INTS6: variants seen among roughly 807,000 people sequenced by gnomAD.
The protein encoded by INTS6 is DEAD box protein.
A neutral mutation model predicts 104.9 loss-of-function variants in INTS6; 16 were observed. The ratio of observed to expected loss-of-function variants is 0.15; its 90% confidence interval spans 0.10 to 0.23. INTS6 has a LOEUF of 0.23. Ranked by LOEUF, INTS6 falls within the 10% of genes least tolerant of loss-of-function variation. The pLI is 1.00. For synonymous variants in INTS6, 324 were observed against 358.7 expected, an observed-to-expected ratio of 0.90 and a Z score of 1.09; for missense variants, 584 against 1,062.8, an observed-to-expected ratio of 0.55 and a Z score of 6.26.
At chr13:51,384,823 T>G (rs1278541741) in intron 7 of INTS6, 8 of 386,844 alleles carry the variant, frequency 2.1e-5, no homozygotes, top group African/African-American at 1.5e-4. Context: ...TCTAGAAATG[T>G]TATCTTCTAT....
At chr13:51,420,756 TA>T (rs75997381) in intron 4 of INTS6, among the ~76,000 whole-genome samples, 10,174 of 125,810 alleles carry the variant, frequency 0.081, 406 homozygotes, top group African/African-American at 0.14. Flanking sequence ...CTAGCTAAAT[TA>T]AAAAAAAAAA....
At chr13:51,350,192 T>C (rs558181867), downstream of INTS6, among the ~76,000 whole-genome samples, 6 of 152,280 alleles carry the variant, frequency 3.9e-5, no homozygotes, top group African/African-American at 1.4e-4. Context: ...CTATGAGATG[T>C]GCTTTCAGGT....
chr13:51,430,179 C>T (rs1240431376), intron 4 of INTS6, 115 bp downstream of exon 4: 6 of 828,954 alleles, frequency 7.2e-6, no homozygotes, highest in African/African-American at 1.7e-5. Flanking sequence ...ACAGATGACT[C>T]TAAATTGCAT....
At position 51,362,935 on chromosome 13, in the gene INTS6, C is replaced by T. The variant is rs1955610501; in HGVS notation, c.*2817G>A. 1 of 152,118 alleles carries T rather than the reference C, an allele frequency of 6.6e-6. No homozygotes were observed. The highest frequency in any genetic ancestry group is 2.4e-5 in the African/African-American group (1 of 41,398). The allele number at this position is 152,118 out of a possible 1,614,324, so 9.4% of individuals were successfully genotyped here. On this transcript the variant is annotated 3_prime_UTR_variant, in exon 18 of 18. Coordinates refer to ENST00000311234, the MANE Select transcript of INTS6 (RefSeq NM_012141.3). Reference sequence around the variant, plus strand: ...CAGAGTATGTCTTCCTAGTATTTCACCATGATCATCCCAACCACATAACGA... The same window carrying T: ...CAGAGTATGTCTTCCTAGTATTTCATCATGATCATCCCAACCACATAACGA...
At chr13:51,411,761 A>C (rs1956691918) in intron 4 of INTS6, among the ~76,000 whole-genome samples, 2 of 152,208 alleles carry the variant, frequency 1.3e-5, no homozygotes, top group African/African-American at 4.8e-5. Context: ...ACAATTTTGC[A>C]GTTTCTTATA....
At position 51,362,275 on chromosome 13, in the gene INTS6, T is replaced by TAGAGTACACC. The variant is rs1268854980; in HGVS notation, c.*3467_*3476dup. 3.2e-5 allele frequency: 11 copies of TAGAGTACACC among 339,538 alleles called. No homozygotes were observed. In the East Asian group the frequency reaches 8.1e-4, roughly 25 times the overall value. The allele number at this position is 339,538 out of a possible 1,614,324, so 21.0% of individuals were successfully genotyped here. A position where few individuals can be genotyped will look rare whatever the true frequency, so the allele number is the denominator to read the frequency against. On this transcript the variant is annotated 3_prime_UTR_variant, in exon 18 of 18. Transcript: ENST00000311234. Reference sequence around the variant, plus strand: ...TCATTTTAGAGTTTTTTCAGGTCACTAGAGTACACCAGAGTAGTCCTCTTG... The same window carrying TAGAGTACACC: ...TCATTTTAGAGTTTTTTCAGGTCACTAGAGTACACCAGAGTACACCAGAGTAGTCCTCTTG...
intron 6 of INTS6, among the ~76,000 whole-genome samples, chr13:51,387,804 GA>G (rs1393068571): frequency 1.3e-5 from 2 of 152,150 alleles, no homozygotes. Flanking sequence ...TTCCCAACTG[GA>G]ACACACAAAA....
At chr13:51,390,231 ATAGC>A (rs1171842447) in intron 5 of INTS6, among the ~76,000 whole-genome samples, 5 of 152,096 alleles carry the variant, frequency 3.3e-5, no homozygotes, top group Non-Finnish European at 5.9e-5. Context: ...AACTTGAAAT[ATAGC>A]TAGTCTGAAT....
chr13:51,401,796 GGCTCTTAAACACTGT>G (rs1271833536), intron 4 of INTS6, among the ~76,000 whole-genome samples: 3 of 151,992 alleles, frequency 2.0e-5, no homozygotes, highest in African/African-American at 7.3e-5. Context: ...AGGTAAGTCT[GGCTCTTAAACACTGT>G]GCTCTTAAAC....
intron 4 of INTS6, among the ~76,000 whole-genome samples, chr13:51,398,022 T>C (rs928618924): frequency 3.3e-5 from 5 of 152,152 alleles, no homozygotes; most frequent in South Asian, 2.1e-4. Flanking sequence ...TTATAAACTT[T>C]AGGCAAATTT....
chr13:51,431,485 A>T (rs1957089347), intron 3 of INTS6, among the ~76,000 whole-genome samples: 1 of 152,194 alleles, frequency 6.6e-6, no homozygotes, highest in African/African-American at 2.4e-5. Context: ...CCATACTTAG[A>T]ACAACAAGAA....
At chr13:51,437,040 G>A (rs1347712302) in intron 3 of INTS6, 3 of 152,096 alleles carry the variant, frequency 2.0e-5, no homozygotes, top group Non-Finnish European at 2.9e-5. Flanking sequence ...ACTGCCTGAG[G>A]CTAAGATTTC....
At chr13:51,438,545 T>C (rs1458722527) in intron 3 of INTS6, 1 of 152,234 alleles carries the variant, frequency 6.6e-6, no homozygotes, top group African/African-American at 2.4e-5. Flanking sequence ...CTTTGTTACA[T>C]TAAGATTTAC....
At chr13:51,359,632 AT>A (rs934089334), downstream of INTS6, among the ~76,000 whole-genome samples, 1 of 152,066 alleles carries the variant, frequency 6.6e-6, no homozygotes, top group Non-Finnish European at 1.5e-5. Flanking sequence ...ATACAGACAC[AT>A]TTACTGTATT....
chr13:51,408,334 G>A (rs570046520), intron 4 of INTS6, among the ~76,000 whole-genome samples: 28 of 151,826 alleles, frequency 1.8e-4, no homozygotes, highest in African/African-American at 6.5e-4. Flanking sequence ...TAGTAGAGAC[G>A]GGGTTTCACT....
At chr13:51,429,937 C>T (rs1314532774) in intron 4 of INTS6, among the ~76,000 whole-genome samples, 2 of 151,522 alleles carry the variant, frequency 1.3e-5, no homozygotes, top group Non-Finnish European at 2.9e-5. Flanking sequence ...CTGCCAACGA[C>T]AATCCACTGA....
chr13:51,371,256 A>T (rs548915386), intron 15 of INTS6, among the ~76,000 whole-genome samples: 4 of 152,252 alleles, frequency 2.6e-5, no homozygotes, highest in South Asian at 4.1e-4. Flanking sequence ...CCCATTCCCC[A>T]GCTTCTCTCT....
At chr13:51,435,641 A>G (rs1304298221) in intron 3 of INTS6, among the ~76,000 whole-genome samples, 4 of 152,078 alleles carry the variant, frequency 2.6e-5, no homozygotes, top group Non-Finnish European at 4.4e-5. Flanking sequence ...AAGAAAAGGT[A>G]ATTTCCTCCA....
At position 51,374,713 on chromosome 13, in the gene INTS6, C is replaced by G; in HGVS notation, c.1813G>C (p.Asp605His). Reference sequence around the variant, plus strand: ...TGCAACCTTCGTGGCTGATCAGGATCAAGTTCTCTTAGTGGAGAAGGTACT... The same window carrying G: ...TGCAACCTTCGTGGCTGATCAGGATGAAGTTCTCTTAGTGGAGAAGGTACT... ...KQVPSPLREL[D>H]PDQPRRLHTF... Residue 605 changes from aspartate to histidine, a missense_variant, in exon 14 of 18, where the codon GAT (aspartate) becomes CAT (histidine). Physicochemically the swap from Asp to His is moderately conservative, Grantham distance 81 (BLOSUM62 -1). This residue lies in a region of INTS6 where 296 missense variants were observed against 437.0 expected (regional missense o/e 0.68). Coordinates refer to ENST00000311234, the MANE Select transcript of INTS6 (RefSeq NM_012141.3). The G allele has an allele frequency of 6.2e-7, 1 of 1,613,460 alleles. No homozygotes were observed. The highest frequency in any genetic ancestry group is 8.5e-7 in the Non-Finnish European group (1 of 1,179,942).
Sources: gnomAD v4.1 joint callset for allele counts (sites outside exome capture counted in the v4.1 genomes callset) on GRCh38, gnomAD v4.1.1 for gene constraint, gnomAD v4.1.1 regional missense constraint, MANE v1.5 for transcripts, NCBI Gene and HGNC (gene_info 2026-07-23, HGNC 2026-07-21) for gene names.